Variants in NAGLU observed in about 807,000 individuals in gnomAD.
NAGLU encodes alpha-N-acetylglucosaminidase.
In NAGLU, 34 loss-of-function variants were observed where a neutral mutation model predicts 43.4. The observed-to-expected ratio is 0.78, with a 90% CI of 0.60 to 1.04. The LOEUF is 1.04. NAGLU is among the 50% of genes least tolerant of loss of function. NAGLU has a pLI of 0.00. For missense variants in NAGLU, 910 were observed against 993.7 expected, an observed-to-expected ratio of 0.92 and a Z score of 1.13; for synonymous variants, 425 against 437.6, an observed-to-expected ratio of 0.97 and a Z score of 0.36.
intron 5 of NAGLU, 38 bp downstream of exon 5, chr17:42,541,244 C>T: frequency 6.2e-7 from 1 of 1,607,920 alleles, no homozygotes. Flanking sequence ...CCCCCCAGAC[C>T]CTCAAAAAGA....
In NAGLU at chr17:42,538,727, G is replaced by T; in HGVS notation, c.736G>T (p.Ala246Ser). Residue 246 changes from alanine to serine, a missense_variant, in exon 4 of 6, where the codon GCG becomes TCG. Transcript: ENST00000225927. The stretch of plus-strand genomic sequence containing the variant: ...CATGACCCCAGTGCTGCCTGCATTC[G>T]CGGGGCATGTTCCCGAGGCTGTCAC... ...FGMTPVLPAF[A>S]GHVPEAVTRV... 1 of 1,613,894 alleles carries T rather than the reference G, an allele frequency of 6.2e-7. No homozygotes were observed.
rs535354102 is a variant in NAGLU at position 42,543,707 on chromosome 17, A to G, written c.1701A>G (p.Ala567=). ...RYDLLDLTRQ[A]VQELVSLYYE... The stretch of plus-strand genomic sequence containing the variant: ...ACCTGCTGGACCTCACTCGGCAGGC[A>G]GTGCAGGAGCTGGTCAGCTTGTACT... The change falls in exon 6 of 6, where the codon GCA becomes GCG. Residue 567 remains alanine, a synonymous_variant. Transcript: ENST00000225927. 6.2e-7 allele frequency: 1 copy of G among 1,612,476 alleles called. No homozygotes were observed. Among genetic ancestry groups the G allele is most frequent in the East Asian group, 2.2e-5 (1 of 44,890 alleles).
chr17:42,543,104 C>A lies in NAGLU; in HGVS notation c.1098C>A (p.Ile366=). ...HQPQFWGPAQ[I]RAVLGAVPRG... is the part of the protein sequence containing the mutation. ...CGCAGTTCTGGGGGCCCGCCCAGAT[C>A]AGGGCTGTGCTGGGAGCTGTGCCCC... The change falls in exon 6 of 6, where the codon ATC becomes ATA. Residue 366 remains isoleucine (I), a synonymous_variant. Transcript: ENST00000225927. 3 of 1,612,760 alleles carry A rather than the reference C, an allele frequency of 1.9e-6. No individual in the cohort carries two copies. The highest frequency in any genetic ancestry group is 2.5e-6 in the Non-Finnish European group (3 of 1,180,028).
Position 42,544,249 on chromosome 17 carries a change from A to G in NAGLU, c.*11A>G. On this transcript the variant is annotated 3_prime_UTR_variant, in exon 6 of 6. Transcript: ENST00000225927. ...GCCGGCTCTTGGTGATAGATTCGCC[A>G]CCACTGGGCCTTGTTTTCCGCTAAT... 1.9e-6 allele frequency: 3 copies of G among 1,606,836 alleles called. No homozygotes were observed. The highest frequency in any genetic ancestry group is 2.5e-6 in the Non-Finnish European group (3 of 1,179,984).
rs776069611 is a variant in NAGLU, at chr17:42,544,213, C to T, written c.2207C>T (p.Pro736Leu). Residue 736 changes from proline to leucine, a missense_variant, in exon 6 of 6, where the codon CCC becomes CTC. Pro to Leu is a moderately conservative substitution (Grantham distance 98, BLOSUM62 -3). Transcript: ENST00000225927. ...AAGAAGATCTTCCTCAAATATTACC[C>T]CCGCTGGGTGGCCGGCTCTTGGTGA... is the stretch of plus-strand genomic sequence containing the variant. ...LAKKIFLKYY[P>L]RWVAGSW The T allele has an allele frequency of 2.5e-6, 4 of 1,611,836 alleles. No homozygotes were observed. The highest frequency in any genetic ancestry group is 2.2e-5 in the South Asian group (2 of 91,092).
Position 42,538,732 on chromosome 17 carries a change from G to A in NAGLU, c.741G>A (p.Gly247=). The change falls in exon 4 of 6, where the codon GGG becomes GGA. Residue 247 remains glycine (G), a synonymous_variant. Coordinates refer to ENST00000225927, the MANE Select transcript of NAGLU (RefSeq NM_000263.4). ...GMTPVLPAFA[G]HVPEAVTRVF... ...CCCCAGTGCTGCCTGCATTCGCGGG[G>A]CATGTTCCCGAGGCTGTCACCAGGT... The A allele has an allele frequency of 6.2e-7, 1 of 1,614,004 alleles. No homozygotes were observed. The highest frequency in any genetic ancestry group is 8.5e-7 in the Non-Finnish European group (1 of 1,180,040).
intron 1 of NAGLU, 141 bp from the exon 2 acceptor site, chr17:42,537,257 C>A: frequency 7.7e-7 from 1 of 1,295,924 alleles, no homozygotes; most frequent in Non-Finnish European, 1.1e-6. Flanking sequence ...CTCAGCTCCA[C>A]CTGGGGTGGG....
chr17:42,538,102 T>C (rs2092911837), intron 2 of NAGLU, among the ~76,000 whole-genome samples: 1 of 152,150 alleles, frequency 6.6e-6, no homozygotes, highest in Admixed American at 6.5e-5. Context: ...GCCTTCCTGT[T>C]GGGGGAAAGC....
In NAGLU at chr17:42,543,384, G is replaced by C. The variant is rs1393932789; in HGVS notation, c.1378G>C (p.Glu460Gln). 6.2e-7 allele frequency: 1 copy of C among 1,609,926 alleles called. No individual in the cohort carries two copies. Among genetic ancestry groups the C allele is most frequent in the South Asian group, 1.1e-5 (1 of 90,636 alleles). The part of the protein sequence containing the change: ...QNEVVYSLMA[E>Q]LGWRKDPVPD... ...CGAAGTGGTCTATTCCCTCATGGCTGAGCTGGGCTGGCGAAAGGACCCAGT... is the reference window on the plus strand; with the variant it reads ...CGAAGTGGTCTATTCCCTCATGGCTCAGCTGGGCTGGCGAAAGGACCCAGT... Residue 460 changes from glutamate to glutamine, a missense_variant, in exon 6 of 6, where the codon GAG becomes CAG. Physicochemically the swap from Glu to Gln is conservative, Grantham distance 29. Coordinates refer to ENST00000225927, the MANE Select transcript of NAGLU (RefSeq NM_000263.4).
intron 1 of NAGLU, chr17:42,536,989 C>T: frequency 4.4e-6 from 2 of 454,944 alleles, no homozygotes; most frequent in Non-Finnish European, 3.9e-6. Flanking sequence ...GGAAGGACGC[C>T]TCCATCCCCC....
Position 42,541,069 on chromosome 17 carries a change from TC to T in NAGLU, c.886del (p.Leu296CysfsTer4), listed in dbSNP as rs752131463. On this transcript the variant is annotated frameshift_variant, in exon 5 of 6. Transcript: ENST00000225927. LOFTEE classifies it high-confidence loss of function. Reference sequence around the variant, plus strand: ...ATATTCCCCATCATCGGGAGCCTCTTCCTGCGAGAGCTGATCAAAGAGTTTG... The same window carrying T: ...ATATTCCCCATCATCGGGAGCCTCTTCTGCGAGAGCTGATCAAAGAGTTTG... The part of the protein sequence containing the change: ...DPIFPIIGSL[F>X]LRELIKEFGT... 1.9e-6 allele frequency: 3 copies of T among 1,614,152 alleles called. No homozygotes were observed. Among genetic ancestry groups the T allele is most frequent in the African/African-American group, 2.7e-5 (2 of 75,022 alleles).
At chr17:42,539,425 T>TC (rs2092915956) in intron 4 of NAGLU, among the ~76,000 whole-genome samples, 1 of 152,206 alleles carries the variant, frequency 6.6e-6, no homozygotes, top group Non-Finnish European at 1.5e-5. Context: ...GGAAAAGTCT[T>TC]CAAGGCTCAC....
In NAGLU at chr17:42,538,451, C is replaced by G; in HGVS notation, c.644C>G (p.Pro215Arg). 2 of 1,614,116 alleles carry G rather than the reference C, an allele frequency of 1.2e-6. No homozygotes were observed. The highest frequency in any genetic ancestry group is 1.7e-6 in the Non-Finnish European group (2 of 1,180,024). Residue 215 changes from proline to arginine, a missense_variant, in exon 3 of 6, where the codon CCC becomes CGC. By Grantham distance (103) the Pro-to-Arg change is moderately radical. Transcript: ENST00000225927. Reference sequence around the variant, plus strand: ...CTGCACACCTGGGATGGCCCCCTGCCCCCCTCCTGGCACATCAAGCAGCTT... The same window carrying G: ...CTGCACACCTGGGATGGCCCCCTGCGCCCCTCCTGGCACATCAAGCAGCTT... ...GNLHTWDGPL[P>R]PSWHIKQLYL...
At chr17:42,537,151 G>A in intron 1 of NAGLU, 1 of 545,298 alleles carries the variant, frequency 1.8e-6, no homozygotes, top group Non-Finnish European at 3.3e-6. Context: ...AGTGTGGCAT[G>A]AAAGTGGAAT....
At chr17:42,537,583 G>A in intron 2 of NAGLU, 38 bp downstream of exon 2, 1 of 1,610,486 alleles carries the variant, frequency 6.2e-7, no homozygotes, top group Non-Finnish European at 8.5e-7. Context: ...CTCCTCTATG[G>A]CGGGAGCCAC....
intron 1 of NAGLU, 170 bp downstream of exon 1, chr17:42,536,825 C>T: frequency 1.6e-6 from 2 of 1,272,304 alleles, no homozygotes; most frequent in Non-Finnish European, 2.0e-6. Context: ...AGAGCCTCGG[C>T]TGGCCCACCT....
chr17:42,541,150 C>T lies in NAGLU; in HGVS notation c.965C>T (p.Ser322Leu), dbSNP rs766374195. 11 of 1,613,788 alleles carry T rather than the reference C, an allele frequency of 6.8e-6. No homozygotes were observed. The highest frequency in any genetic ancestry group is 2.7e-5 in the African/African-American group (2 of 74,930). Residue 322 changes from serine to leucine, a missense_variant, in exon 5 of 6, where the codon TCA becomes TTA. Coordinates refer to ENST00000225927, the MANE Select transcript of NAGLU (RefSeq NM_000263.4). ...DTFNEMQPPS[S>L]EPSYLAAATT... ...TTCAATGAGATGCAGCCACCTTCCT[C>T]AGAGCCCTCCTACCTTGCCGCAGCC... is the stretch of plus-strand genomic sequence containing the variant.
intron 2 of NAGLU, 100 bp downstream of exon 2, chr17:42,537,645 A>G (rs1237604926): frequency 7.3e-6 from 11 of 1,501,112 alleles, no homozygotes; most frequent in Non-Finnish European, 9.0e-6. Context: ...TCTCTCTAGA[A>G]GTGCTTTCAG....
intron 1 of NAGLU, chr17:42,536,916 A>T: frequency 1.4e-6 from 1 of 710,240 alleles, no homozygotes; most frequent in Non-Finnish European, 2.1e-6. Context: ...TGTGGTGCAC[A>T]ATTGGTGATG....
Sources: gnomAD v4.1 joint callset for allele counts (sites outside exome capture counted in the v4.1 genomes callset) on GRCh38, gnomAD v4.1.1 for gene constraint, MANE v1.5 for transcripts, NCBI Gene and HGNC (gene_info 2026-07-23, HGNC 2026-07-21) for gene names.